KCNMB3: variants seen among roughly 807,000 people sequenced by gnomAD.
KCNMB3 encodes calcium-activated potassium channel subunit beta-3.
KCNMB3 carries 18 observed loss-of-function variants against 11.9 expected under a neutral mutation model. The ratio of observed to expected loss-of-function variants is 1.51; its 90% CI spans 1.04 to 2.23. The LOEUF (loss-of-function observed/expected upper bound fraction) is 2.23. Among genes scored for constraint, KCNMB3 ranks in the 30% most tolerant of loss-of-function variants. The probability of loss-of-function intolerance (pLI) is 0.00; values close to 1 mark genes in which losing one functional copy is unlikely to be tolerated. For missense variants in KCNMB3, 247 were observed against 329.4 expected, an observed-to-expected ratio of 0.75 and a Z score of 1.94; for synonymous variants, 78 against 119.2, an observed-to-expected ratio of 0.65 and a Z score of 2.25.
intron 1 of KCNMB3, among the ~76,000 whole-genome samples, chr3:179,265,188 G>A (rs923045195): frequency 1.3e-5 from 2 of 152,098 alleles, no homozygotes; most frequent in Middle Eastern, 3.2e-3. Context: ...CATGTCTAGC[G>A]AGAAGAACAC....
At chr3:179,258,661 C>T (rs56034093) in intron 1 of KCNMB3, among the ~76,000 whole-genome samples, 7,454 of 152,160 alleles carry the variant, frequency 0.049, 196 homozygotes, top group Non-Finnish European at 0.057. Flanking sequence ...CAATTAGATG[C>T]TGATATATTT....
chr3:179,259,176 C>T (rs759447422), intron 1 of KCNMB3: 1 of 1,556,690 alleles, frequency 6.4e-7, no homozygotes, highest in Admixed American at 2.0e-5. Context: ...GATGGTCTGA[C>T]TTGGATGTTC....
intron 2 of KCNMB3, among the ~76,000 whole-genome samples, chr3:179,243,496 G>A (rs957325375): frequency 6.6e-6 from 1 of 152,138 alleles, no homozygotes; most frequent in Non-Finnish European, 1.5e-5. Context: ...GGATGTGGAA[G>A]AGAATTCTTA....
At chr3:179,249,431 C>T (rs370977775) in intron 1 of KCNMB3, among the ~76,000 whole-genome samples, 7 of 151,630 alleles carry the variant, frequency 4.6e-5, no homozygotes, top group African/African-American at 1.2e-4. Flanking sequence ...GAGGCCAAGG[C>T]GGGCAGATCA....
upstream of KCNMB3, among the ~76,000 whole-genome samples, chr3:179,252,273 T>C (rs994754917): frequency 3.9e-5 from 6 of 152,106 alleles, no homozygotes; most frequent in African/African-American, 1.2e-4. Flanking sequence ...GTTCCAGAAG[T>C]ATCTCCATTT....
rs995477346 is a variant in KCNMB3, at chr3:179,259,888, G to A, written c.62+6761C>T. On this transcript the variant is annotated intron_variant, in intron 1 of 3. Transcript: ENST00000349697. The stretch of plus-strand genomic sequence containing the variant: ...CTCTCAGTTCCTGCTGGAGAACCAG[G>A]AACTTCTGTCTTGATTGGTTTCTCA... The A allele has an allele frequency of 1.2e-5, 20 of 1,613,432 alleles. No individual in the cohort carries two copies. The African/African-American group carries it at 2.7e-4, about 22-fold the overall frequency.
chr3:179,266,333 A>C (rs1293438538), intron 1 of KCNMB3, among the ~76,000 whole-genome samples: 1 of 152,234 alleles, frequency 6.6e-6, no homozygotes, highest in Non-Finnish European at 1.5e-5. Context: ...TTCATTCCTC[A>C]TTCAACCAAC....
At chr3:179,250,347 G>GTAGA (rs1725792566) in intron 1 of KCNMB3, among the ~76,000 whole-genome samples, 1 of 152,200 alleles carries the variant, frequency 6.6e-6, no homozygotes, top group African/African-American at 2.4e-5. Context: ...TATGTGCCAG[G>GTAGA]TAGACACTGT....
intron 1 of KCNMB3, among the ~76,000 whole-genome samples, chr3:179,248,199 T>C (rs886309065): frequency 6.6e-6 from 1 of 152,216 alleles, no homozygotes; most frequent in Non-Finnish European, 1.5e-5. Flanking sequence ...GGCAAGTTAC[T>C]TGGCCTTTCT....
chr3:179,244,484 C>T lies in KCNMB3; in HGVS notation c.447+11G>A. 6.2e-7 allele frequency: 1 copy of T among 1,612,248 alleles called. No individual in the cohort carries two copies. The highest frequency in any genetic ancestry group is 8.5e-7 in the Non-Finnish European group (1 of 1,178,250). Reference sequence around the variant, plus strand: ...GTTGCTGTCATAAGAACTCTTTAAACTTTACAATACCTTGGGATTTATCTG... The same window carrying T: ...GTTGCTGTCATAAGAACTCTTTAAATTTTACAATACCTTGGGATTTATCTG... On this transcript the variant is annotated intron_variant, in intron 2 of 2. Transcript: ENST00000392685.
chr3:179,246,974 T>C (rs1725664001), intron 1 of KCNMB3, among the ~76,000 whole-genome samples: 1 of 152,134 alleles, frequency 6.6e-6, no homozygotes, highest in Non-Finnish European at 1.5e-5. Context: ...ATCCATCATC[T>C]GATTGAGGGA....
chr3:179,243,676 T>C (rs1725540186), intron 2 of KCNMB3, among the ~76,000 whole-genome samples: 1 of 152,226 alleles, frequency 6.6e-6, no homozygotes, highest in Admixed American at 6.5e-5. Context: ...CTGTTGTCTC[T>C]GTCTTGATCT....
chr3:179,266,595 A>G (rs934191265), intron 1 of KCNMB3: 2 of 1,604,874 alleles, frequency 1.2e-6, no homozygotes, highest in African/African-American at 2.7e-5. Context: ...TCTTCTTGCA[A>G]CTGCTTGTTC....
chr3:179,251,189 T>C (rs1485143102), upstream of KCNMB3: 2 of 1,599,546 alleles, frequency 1.3e-6, no homozygotes, highest in African/African-American at 2.7e-5. Flanking sequence ...CATGCAAGTC[T>C]GTAGAGATCT....
downstream of KCNMB3, chr3:179,242,764 T>C (rs1327586974): frequency 1.5e-6 from 2 of 1,293,874 alleles, no homozygotes; most frequent in African/African-American, 1.5e-5. Flanking sequence ...AAAATGAGGC[T>C]TTTAAATTTT....
At chr3:179,241,524 TTACATC>T, downstream of KCNMB3, 1 of 154,274 alleles carries the variant, frequency 6.5e-6, no homozygotes, top group South Asian at 2.0e-4. Context: ...TTTTGTTTGA[TTACATC>T]TACATACAAA....
chr3:179,258,587 G>A (rs1222179068), intron 1 of KCNMB3, among the ~76,000 whole-genome samples: 1 of 152,132 alleles, frequency 6.6e-6, no homozygotes, highest in Middle Eastern at 3.2e-3. Flanking sequence ...ATATGAACAA[G>A]ACATTAATTT....
chr3:179,253,703 G>A (rs960880776), upstream of KCNMB3, among the ~76,000 whole-genome samples: 3 of 152,032 alleles, frequency 2.0e-5, no homozygotes, highest in Non-Finnish European at 2.9e-5. Flanking sequence ...CTTCTCAGGA[G>A]GCTGAGGCAG....
intron 1 of KCNMB3, chr3:179,258,911 A>G (rs7648422): frequency 0.059 from 94,770 of 1,609,392 alleles, 3,886 homozygotes; most frequent in African/African-American, 0.19. Context: ...TGATTGGCAT[A>G]CAGTGCATCT....
Sources: gnomAD v4.1 joint callset for allele counts (sites outside exome capture counted in the v4.1 genomes callset) on GRCh38, gnomAD v4.1.1 for gene constraint, MANE v1.5 for transcripts, NCBI Gene and HGNC (gene_info 2026-07-23, HGNC 2026-07-21) for gene names.